Variants in INSR observed in about 807,000 individuals in gnomAD.
INSR encodes insulin receptor.
A neutral mutation model predicts 142.6 loss-of-function variants in INSR; 67 were observed. The observed-to-expected ratio is 0.47, with a 90% CI of 0.39 to 0.58. The LOEUF (loss-of-function observed/expected upper bound fraction) is 0.58, where lower values mean the gene tolerates loss of function less well. Among genes scored for constraint, INSR ranks in the 20% least tolerant of loss-of-function variants. The pLI, the probability that INSR is intolerant of heterozygous loss-of-function variation, is 0.00. For missense variants in INSR, 1,248 were observed against 1,833.2 expected (o/e 0.68, Z 5.83); for synonymous variants, 756 against 743.1 (o/e 1.02, Z -0.28).
chr19:7,162,365 G>A (rs1973775704), intron 9 of INSR, among the ~76,000 whole-genome samples: 2 of 149,986 alleles, frequency 1.3e-5, no homozygotes, highest in Admixed American at 6.7e-5. Flanking sequence ...TGGGCATGCT[G>A]GTGCACACCT....
chr19:7,165,408 A>G (rs1418936522), intron 8 of INSR, among the ~76,000 whole-genome samples: 1 of 152,168 alleles, frequency 6.6e-6, no homozygotes, highest in Non-Finnish European at 1.5e-5. Flanking sequence ...AAAAATGACC[A>G]AAGGCTGAAG....
At chr19:7,280,189 G>A (rs1366472134) in intron 1 of INSR, among the ~76,000 whole-genome samples, 10 of 152,156 alleles carry the variant, frequency 6.6e-5, no homozygotes, top group South Asian at 2.1e-4. Context: ...GCGTGAACCC[G>A]GGAGGCGGAG....
chr19:7,282,909 C>T (rs960619916), intron 1 of INSR, among the ~76,000 whole-genome samples: 2 of 151,228 alleles, frequency 1.3e-5, no homozygotes, highest in African/African-American at 4.9e-5. Context: ...GAAGGCGAAG[C>T]TTGCAGTAAG....
chr19:7,257,696 GAAAAGGAAA>G (rs1294783785), intron 2 of INSR, among the ~76,000 whole-genome samples: 2 of 151,586 alleles, frequency 1.3e-5, no homozygotes, highest in Non-Finnish European at 2.9e-5. Flanking sequence ...AGGGAAGAAA[GAAAAGGAAA>G]GAAAGGAAGG....
chr19:7,285,743 C>G (rs1188757942), intron 1 of INSR, among the ~76,000 whole-genome samples: 1 of 151,984 alleles, frequency 6.6e-6, no homozygotes, highest in African/African-American at 2.4e-5. Context: ...GAATATTAAT[C>G]CAATTATAAG....
Position 7,143,027 on chromosome 19 carries a change from C to T in INSR, c.2331G>A (p.Val777=), listed in dbSNP as rs372205556. Residue 777 remains valine, a synonymous_variant, in exon 12 of 22, where the codon GTG becomes GTA. Transcript: ENST00000302850. ...VGNVTVAVPT[V]AAFPNTSSTS... ...TCGAGGAAGTGTTGGGGAAAGCTGC[C>T]ACCGTGGGCACGGCCACCGTCACAT... 5.0e-6 allele frequency: 8 copies of T among 1,614,072 alleles called. No individual in the cohort carries two copies. Among genetic ancestry groups the T allele is most frequent in the South Asian group, 1.1e-5 (1 of 91,088 alleles).
intron 2 of INSR, among the ~76,000 whole-genome samples, chr19:7,234,357 C>T (rs1395366259): frequency 1.3e-5 from 2 of 152,084 alleles, no homozygotes; most frequent in African/African-American, 4.8e-5. Flanking sequence ...CAGGCACATG[C>T]CACTACACCC....
chr19:7,281,035 T>G (rs1968192172), intron 1 of INSR, among the ~76,000 whole-genome samples: 1 of 152,200 alleles, frequency 6.6e-6, no homozygotes, highest in Admixed American at 6.6e-5. Context: ...CTGACTCCTC[T>G]AGTCTATGAC....
intron 1 of INSR, among the ~76,000 whole-genome samples, chr19:7,284,480 C>G (rs1421335505): frequency 6.6e-6 from 1 of 152,038 alleles, no homozygotes; most frequent in African/African-American, 2.4e-5. Flanking sequence ...ACTGAAAGCA[C>G]AAAAATGCTA....
chr19:7,177,690 A>G (rs1599949901), intron 3 of INSR, among the ~76,000 whole-genome samples: 1 of 130,636 alleles, frequency 7.7e-6, no homozygotes, highest in South Asian at 2.5e-4. Flanking sequence ...ACCATGCCCC[A>G]TCTAATTTTG....
At position 7,114,386 on chromosome 19, in the gene INSR, T is replaced by G. The variant is rs1972272719; in HGVS notation, c.*2670A>C. On this transcript the variant is annotated 3_prime_UTR_variant, in exon 22 of 22. Coordinates refer to ENST00000302850, the MANE Select transcript of INSR (RefSeq NM_000208.4). ...TACATCATGACAGCCTGGAACTTAG[T>G]TTATGTTTGGGGAACATAGTGACAA... 1 of 152,242 alleles carries G rather than the reference T, an allele frequency of 6.6e-6. No homozygotes were observed. Among genetic ancestry groups the G allele is most frequent in the South Asian group, 2.1e-4 (1 of 4,834 alleles). 9.4% of individuals were successfully genotyped at this position (152,242 alleles called of 1,614,324 possible).
chr19:7,117,506 A>T (rs1972366473), intron 21 of INSR, 96 bp from the exon 22 acceptor site: 4 of 845,870 alleles, frequency 4.7e-6, no homozygotes, highest in Non-Finnish European at 5.8e-6. Flanking sequence ...ACACCCACGG[A>T]CCACATGTGC....
chr19:7,164,645 T>C (rs1273998344), intron 8 of INSR, among the ~76,000 whole-genome samples: 16 of 133,468 alleles, frequency 1.2e-4, no homozygotes, highest in Non-Finnish European at 2.5e-4. Context: ...TGGAGAAACC[T>C]TGTCTCTACA....
rs556950372 is a variant in INSR at position 7,170,588 on chromosome 19, G to C, written c.1432C>G (p.Arg478Gly). 9.3e-6 allele frequency: 15 copies of C among 1,613,574 alleles called. No individual in the cohort carries two copies. Among genetic ancestry groups the C allele is most frequent in the Non-Finnish European group, 1.3e-5 (15 of 1,179,878 alleles). The change falls in exon 6 of 22, where the codon CGC becomes GGC. Residue 478 changes from arginine to glycine, a missense_variant. Physicochemically the swap from Arg to Gly is moderately radical, Grantham distance 125. Coordinates refer to ENST00000302850, the MANE Select transcript of INSR (RefSeq NM_000208.4). ...KMEEVSGTKGRQERNDIALKT... is the reference protein window; with the variant it reads ...KMEEVSGTKGGQERNDIALKT... ...AGGGCAATGTCGTTTCTCTCCTGGC[G>C]CCCCTTGGTTCCTGAAACTTCTTCC...
intron 11 of INSR, among the ~76,000 whole-genome samples, chr19:7,148,474 A>ATTTTTTTTTT (rs1568445065): frequency 3.9e-5 from 2 of 50,850 alleles, no homozygotes; most frequent in African/African-American, 1.8e-4. Flanking sequence ...TTATGTATTT[A>ATTTTTTTTTT]TTCTTTTTTT....
chr19:7,194,425 A>AG (rs1974682711), intron 2 of INSR, among the ~76,000 whole-genome samples: 1 of 3,106 alleles, frequency 3.2e-4, no homozygotes, highest in Non-Finnish European at 4.1e-4. Flanking sequence ...TCAAAAAAAG[A>AG]AAAAAAAATT....
chr19:7,249,114 A>T (rs1305191646), intron 2 of INSR, among the ~76,000 whole-genome samples: 1 of 152,106 alleles, frequency 6.6e-6, no homozygotes, highest in East Asian at 1.9e-4. Context: ...GAAGAATTAC[A>T]CTTTCCTCTG....
At chr19:7,136,846 T>C (rs183450601) in intron 13 of INSR, among the ~76,000 whole-genome samples, 1,940 of 132,600 alleles carry the variant, frequency 0.015, 95 homozygotes, top group African/African-American at 0.051. Context: ...TATATATATA[T>C]ATTGAGATGG....
chr19:7,161,741 G>A (rs1973754102), intron 9 of INSR, among the ~76,000 whole-genome samples: 1 of 152,136 alleles, frequency 6.6e-6, no homozygotes, highest in African/African-American at 2.4e-5. Flanking sequence ...TCAGTGTGAG[G>A]AGGGATGAAG....
Sources: gnomAD v4.1 joint callset for allele counts (sites outside exome capture counted in the v4.1 genomes callset) on GRCh38, gnomAD v4.1.1 for gene constraint, MANE v1.5 for transcripts, NCBI Gene and HGNC (gene_info 2026-07-23, HGNC 2026-07-21) for gene names.